XRCC4: variants seen among roughly 807,000 people sequenced by gnomAD.
The protein encoded by XRCC4 is X-ray repair cross complementing 4, also known as DNA repair protein XRCC4.
XRCC4 carries 28 observed loss-of-function variants against 39.1 expected under a neutral mutation model. The observed-to-expected ratio is 0.72, with a 90% CI of 0.53 to 0.98. XRCC4 has a LOEUF of 0.98. Ranked by LOEUF, XRCC4 falls within the 50% of genes least tolerant of loss-of-function variation. The pLI is 0.00. For synonymous variants in XRCC4, 123 were observed against 126.4 expected, an observed-to-expected ratio of 0.97 and a Z score of 0.18; for missense variants, 350 against 376.4, an observed-to-expected ratio of 0.93 and a Z score of 0.58.
intron 6 of XRCC4, among the ~76,000 whole-genome samples, chr5:83,231,699 A>G (rs1439319935): frequency 6.6e-6 from 1 of 152,046 alleles, no homozygotes; most frequent in East Asian, 1.9e-4. Flanking sequence ...ACAATTTCCT[A>G]CCTATTTCAG....
At chr5:83,154,744 G>A (rs1227667674) in intron 3 of XRCC4, among the ~76,000 whole-genome samples, 3 of 150,796 alleles carry the variant, frequency 2.0e-5, no homozygotes, top group African/African-American at 4.9e-5. Context: ...TTTTTCTCTC[G>A]TGTTTTGATT....
chr5:83,300,546 T>TTGTG (rs70973389), intron 7 of XRCC4, among the ~76,000 whole-genome samples: 74,784 of 126,532 alleles, frequency 0.59, 24,072 homozygotes, highest in Non-Finnish European at 0.73. Flanking sequence ...TATCTTTTGT[T>TTGTG]TGTGTGTGTG....
At chr5:83,151,089 A>T (rs1011569092) in intron 3 of XRCC4, among the ~76,000 whole-genome samples, 1 of 152,166 alleles carries the variant, frequency 6.6e-6, no homozygotes, top group Non-Finnish European at 1.5e-5. Flanking sequence ...TATACATTTT[A>T]GACACAGAAA....
At chr5:83,307,683 G>A (rs925069332) in intron 7 of XRCC4, among the ~76,000 whole-genome samples, 3 of 152,122 alleles carry the variant, frequency 2.0e-5, no homozygotes, top group African/African-American at 7.2e-5. Flanking sequence ...GAAGCACAGA[G>A]ATAGAAAGAA....
intron 7 of XRCC4, among the ~76,000 whole-genome samples, chr5:83,339,035 C>T (rs1415717539): frequency 6.7e-6 from 1 of 149,836 alleles, no homozygotes; most frequent in Admixed American, 6.6e-5. Context: ...GACTGTGTCC[C>T]CACAGCTTGT....
intron 7 of XRCC4, among the ~76,000 whole-genome samples, chr5:83,297,017 TAAAG>T (rs1755118906): frequency 6.6e-6 from 1 of 151,694 alleles, no homozygotes; most frequent in Non-Finnish European, 1.5e-5. Flanking sequence ...CTTGAGCAAA[TAAAG>T]AATGAACATC....
chr5:83,281,102 T>G lies in XRCC4; in HGVS notation c.893+22425T>G, dbSNP rs16900280. ...ATCTTGCAATACTGGTATAGTTAGC[T>G]ATAAGAATATCAAGCAATATAAGGT... On this transcript the variant is annotated intron_variant, in intron 7 of 7. Transcript: ENST00000396027. Among the ~76,000 whole-genome samples, 681 of 152,366 alleles carry G rather than the reference T, an allele frequency of 4.5e-3. 2 individuals carry two copies. The highest frequency in any genetic ancestry group is 0.016 in the African/African-American group (650 of 41,580).
At chr5:83,100,013 C>T (rs1000146664) in intron 1 of XRCC4, among the ~76,000 whole-genome samples, 6 of 151,974 alleles carry the variant, frequency 3.9e-5, no homozygotes, top group African/African-American at 1.2e-4. Context: ...TTTTGTAAGA[C>T]GGTGATCTCA....
chr5:83,121,581 C>A (rs1747011576), intron 3 of XRCC4, among the ~76,000 whole-genome samples: 1 of 152,066 alleles, frequency 6.6e-6, no homozygotes, highest in African/African-American at 2.4e-5. Context: ...TTAAATCTTT[C>A]ACATTTGTTT....
At chr5:83,187,565 C>T (rs1291700864) in intron 3 of XRCC4, among the ~76,000 whole-genome samples, 2 of 152,108 alleles carry the variant, frequency 1.3e-5, no homozygotes, top group Non-Finnish European at 2.9e-5. Flanking sequence ...GTGGCTGGGG[C>T]ACAGCAAAGG....
chr5:83,237,865 A>G (rs115579404), intron 6 of XRCC4, among the ~76,000 whole-genome samples: 3,842 of 152,170 alleles, frequency 0.025, 63 homozygotes, highest in Middle Eastern at 0.058. Flanking sequence ...TACAACTCTT[A>G]TGTATCCATA....
chr5:83,230,417 C>T (rs1276617164), intron 6 of XRCC4, among the ~76,000 whole-genome samples: 10 of 152,018 alleles, frequency 6.6e-5, no homozygotes, highest in African/African-American at 1.7e-4. Flanking sequence ...CTGGAATCCA[C>T]ACTCACGTAA....
chr5:83,296,494 G>A (rs887749440), intron 7 of XRCC4, among the ~76,000 whole-genome samples: 2 of 152,050 alleles, frequency 1.3e-5, no homozygotes, highest in African/African-American at 2.4e-5. Flanking sequence ...GTTCTTATTA[G>A]TATCATTTAC....
chr5:83,126,219 C>T (rs2112461211), intron 3 of XRCC4, among the ~76,000 whole-genome samples: 1 of 152,066 alleles, frequency 6.6e-6, no homozygotes, highest in African/African-American at 2.4e-5. Context: ...CATACAGATC[C>T]TATACATGTT....
rs920456591 is a variant in XRCC4 at position 83,313,576 on chromosome 5, A to C, written c.894-39555A>C. On this transcript the variant is annotated intron_variant, in intron 7 of 7. Coordinates refer to ENST00000396027, the MANE Select transcript of XRCC4 (RefSeq NM_003401.5). ...ACTGTGGAGACATACTGCTCAGAAA[A>C]AAAAGATTCCTTTCATACTTTTCTC... Among the ~76,000 whole-genome samples, 19 of 152,292 alleles carry C rather than the reference A, an allele frequency of 1.2e-4. No individual in the cohort carries two copies. In the East Asian group the frequency reaches 3.5e-3, roughly 28 times the overall value.
chr5:83,334,626 T>C (rs1388248126), intron 7 of XRCC4, among the ~76,000 whole-genome samples: 1 of 151,938 alleles, frequency 6.6e-6, no homozygotes, highest in African/African-American at 2.4e-5. Flanking sequence ...ATAATACAAC[T>C]ACTTTTAAAA....
At chr5:83,315,320 G>C (rs1178369788) in intron 7 of XRCC4, among the ~76,000 whole-genome samples, 1 of 152,112 alleles carries the variant, frequency 6.6e-6, no homozygotes, top group East Asian at 1.9e-4. Flanking sequence ...TTTCAGGAAA[G>C]AAGCCATTTA....
intron 3 of XRCC4, among the ~76,000 whole-genome samples, chr5:83,137,670 C>T (rs772578078): frequency 6.6e-6 from 1 of 152,054 alleles, no homozygotes; most frequent in Non-Finnish European, 1.5e-5. Flanking sequence ...TGTTTGTCCT[C>T]AATTGTTTTG....
chr5:83,325,531 G>A (rs952818423), intron 7 of XRCC4, among the ~76,000 whole-genome samples: 2 of 151,922 alleles, frequency 1.3e-5, no homozygotes, highest in African/African-American at 2.4e-5. Flanking sequence ...TCATCATTCA[G>A]CTCTCACTTA....
Sources: gnomAD v4.1 joint callset for allele counts (sites outside exome capture counted in the v4.1 genomes callset) on GRCh38, gnomAD v4.1.1 for gene constraint, MANE v1.5 for transcripts, NCBI Gene and HGNC (gene_info 2026-07-23, HGNC 2026-07-21) for gene names.